EIF4ENIF1: variants seen among roughly 807,000 people sequenced by gnomAD.
The protein encoded by EIF4ENIF1 is eukaryotic translation initiation factor 4E transporter.
EIF4ENIF1 carries 23 observed loss-of-function variants against 110.5 expected under a neutral mutation model. The observed-to-expected ratio is 0.21, with a 90% CI of 0.15 to 0.29. The LOEUF (loss-of-function observed/expected upper bound fraction) is 0.29, where lower values mean the gene tolerates loss of function less well. Ranked by LOEUF, EIF4ENIF1 falls within the 10% of genes least tolerant of loss-of-function variation. EIF4ENIF1 has a pLI of 1.00. For synonymous variants in EIF4ENIF1, 440 were observed against 437.0 expected, an observed-to-expected ratio of 1.01 and a Z score of -0.09; for missense variants, 1,031 against 1,221.1, an observed-to-expected ratio of 0.84 and a Z score of 2.32.
intron 12 of EIF4ENIF1, among the ~76,000 whole-genome samples, 190 bp downstream of exon 12, chr22:31,449,158 G>A (rs550413630): frequency 6.6e-6 from 1 of 152,236 alleles, no homozygotes; most frequent in East Asian, 1.9e-4. Context: ...TTACAGGCAT[G>A]CACCACCACG....
chr22:31,467,502 T>G (rs979490911), intron 4 of EIF4ENIF1, among the ~76,000 whole-genome samples: 4 of 152,138 alleles, frequency 2.6e-5, no homozygotes, highest in Non-Finnish European at 4.4e-5. Context: ...AAGCCTTTAT[T>G]CCGATCACAG....
intron 6 of EIF4ENIF1, 103 bp from the exon 7 acceptor site, chr22:31,458,753 T>C: frequency 9.1e-7 from 1 of 1,095,106 alleles, no homozygotes; most frequent in Non-Finnish European, 1.2e-6. Flanking sequence ...CACACATGAC[T>C]TAAAAAGCAG....
At position 31,458,592 on chromosome 22, in the gene EIF4ENIF1, T is replaced by C; in HGVS notation, c.846A>G (p.Ala282=). The C allele has an allele frequency of 6.2e-7, 1 of 1,613,538 alleles. No individual in the cohort carries two copies. Among genetic ancestry groups the C allele is most frequent in the Non-Finnish European group, 8.5e-7 (1 of 1,179,678 alleles). The change falls in exon 7 of 19, where the codon GCA becomes GCG. Residue 282 remains alanine (A), a synonymous_variant. Transcript: ENST00000330125. ...AEEDEVEVIL[A]QEPAADQEVP... ...CTTCCTGATCAGCCGCAGGCTCCTG[T>C]GCAAGGATGACCTCCACTTCATCCT...
chr22:31,486,571 G>T (rs1445628821), intron 2 of EIF4ENIF1, among the ~76,000 whole-genome samples: 1 of 151,844 alleles, frequency 6.6e-6, no homozygotes, highest in East Asian at 2.0e-4. Context: ...TTGAGTTCAG[G>T]ATTTCAAGAC....
chr22:31,447,977 G>A (rs2050527556), intron 13 of EIF4ENIF1, among the ~76,000 whole-genome samples, 176 bp downstream of exon 13: 2 of 151,984 alleles, frequency 1.3e-5, no homozygotes, highest in Admixed American at 6.6e-5. Flanking sequence ...ATTTACTTTT[G>A]GGCTCAAGTG....
rs747722218 is a variant in EIF4ENIF1 at position 31,441,810 on chromosome 22, C to T, written c.2515G>A (p.Val839Ile). The change falls in exon 17 of 19, where the codon GTA (valine) becomes ATA (isoleucine). Residue 839 changes from valine (V) to isoleucine (I), a missense_variant. Coordinates refer to ENST00000330125, the MANE Select transcript of EIF4ENIF1 (RefSeq NM_019843.4). ...GLVQRMLAQGVHPQHLPSLLQ... is the reference protein window; with the variant it reads ...GLVQRMLAQGIHPQHLPSLLQ... ...AAACTTGGAAGATGCTGTGGATGTA[C>T]TCCCTGGGCCAGCATCCTCTGTACC... is the stretch of plus-strand genomic sequence containing the variant. 14 of 1,613,610 alleles carry T rather than the reference C, an allele frequency of 8.7e-6. No homozygotes were observed. In the South Asian group the frequency reaches 1.3e-4, roughly 15 times the overall value.
At chr22:31,489,640 G>A (rs1214080639) in intron 1 of EIF4ENIF1, 54 bp downstream of exon 1, 4 of 48,316 alleles carry the variant, frequency 8.3e-5, no homozygotes, top group Admixed American at 5.1e-4. Flanking sequence ...CTACACCCGG[G>A]AGCACCGGGC....
intron 2 of EIF4ENIF1, among the ~76,000 whole-genome samples, chr22:31,487,080 A>AG (rs1170623070): frequency 6.6e-6 from 1 of 152,158 alleles, no homozygotes; most frequent in East Asian, 1.9e-4. Flanking sequence ...CAAAAAAAAA[A>AG]AAGTACTGGA....
At position 31,440,709 on chromosome 22, in the gene EIF4ENIF1, C is replaced by T. The variant is rs755466322; in HGVS notation, c.2711G>A (p.Arg904His). 2.9e-5 allele frequency: 47 copies of T among 1,613,550 alleles called. No homozygotes were observed. The highest frequency in any genetic ancestry group is 9.9e-5 in the South Asian group (9 of 91,060). Residue 904 changes from arginine (R) to histidine (H), a missense_variant, in exon 18 of 19, where the codon CGC becomes CAC. This residue lies in a region of EIF4ENIF1 where 309 missense variants were observed against 299.1 expected (regional missense o/e 1.03). Transcript: ENST00000330125. ...TGTCACATTCCTGAACCTACCTGAG[C>T]GCTGTAGCTGCTGTTGCACCATTGC... ...HLAMVQQQLQ[R>H]SVLHPPGSGS...
At position 31,466,455 on chromosome 22, in the gene EIF4ENIF1, A is replaced by G. The variant is rs574185229; in HGVS notation, c.298+1720T>C. 6.7e-5 allele frequency among the ~76,000 whole-genome samples: 10 copies of G among 150,222 alleles called. No individual in the cohort carries two copies. The South Asian group carries it at 2.1e-3, about 32-fold the overall frequency. On this transcript the variant is annotated intron_variant, in intron 4 of 18. Coordinates refer to ENST00000330125, the MANE Select transcript of EIF4ENIF1 (RefSeq NM_019843.4). ...ATTAGCTGGGCACGGTGGAACGTGT[A>G]TGTGTAATCCCAGCTACTCAGGAAG...
chr22:31,449,765 C>G (rs956307102), intron 11 of EIF4ENIF1, among the ~76,000 whole-genome samples: 14 of 149,288 alleles, frequency 9.4e-5, no homozygotes, highest in Non-Finnish European at 2.1e-4. Flanking sequence ...GAGTCTCACT[C>G]TATCACCCAG....
intron 6 of EIF4ENIF1, among the ~76,000 whole-genome samples, chr22:31,460,734 C>T (rs917792807): frequency 1.3e-5 from 2 of 152,012 alleles, no homozygotes; most frequent in African/African-American, 4.8e-5. Flanking sequence ...ATCACGAGGT[C>T]AGGAGATCGA....
chr22:31,440,564 T>C (rs2050260103), intron 18 of EIF4ENIF1, 140 bp downstream of exon 18: 15 of 1,078,538 alleles, frequency 1.4e-5, no homozygotes, highest in South Asian at 8.4e-5. Context: ...CTTCATCTTA[T>C]TATCTGGTTA....
chr22:31,471,703 A>T, intron 3 of EIF4ENIF1, 141 bp downstream of exon 3: 2 of 742,962 alleles, frequency 2.7e-6, no homozygotes, highest in South Asian at 3.4e-5. Context: ...GTTGAAACCC[A>T]TCTTATTACC....
chr22:31,448,383 C>T (rs1453713253), intron 12 of EIF4ENIF1, 151 bp from the exon 13 acceptor site: 3 of 773,240 alleles, frequency 3.9e-6, no homozygotes, highest in Non-Finnish European at 6.6e-6. Flanking sequence ...CTCTGTGCCC[C>T]AACAGTGGGC....
chr22:31,463,417 G>A (rs1016428533), intron 5 of EIF4ENIF1, among the ~76,000 whole-genome samples: 1 of 152,020 alleles, frequency 6.6e-6, no homozygotes, highest in African/African-American at 2.4e-5. Flanking sequence ...GGTGGCTCAC[G>A]CCTGTAATCC....
upstream of EIF4ENIF1, among the ~76,000 whole-genome samples, chr22:31,490,942 C>G (rs546067155): frequency 6.4e-4 from 97 of 152,238 alleles, no homozygotes; most frequent in Non-Finnish European, 1.0e-3. Flanking sequence ...TGAGTGACCA[C>G]TAACTCAGCT....
At chr22:31,438,319 T>C (rs2050203020), downstream of EIF4ENIF1, among the ~76,000 whole-genome samples, 1 of 152,214 alleles carries the variant, frequency 6.6e-6, no homozygotes, top group Non-Finnish European at 1.5e-5. Context: ...GTAGAATCTT[T>C]ATCCGTAAGT....
intron 6 of EIF4ENIF1, among the ~76,000 whole-genome samples, chr22:31,459,329 G>C (rs986118976): frequency 8.6e-5 from 13 of 151,968 alleles, no homozygotes; most frequent in Non-Finnish European, 1.9e-4. Flanking sequence ...CTCTGCTTCT[G>C]CCCATGCACC....
Sources: allele counts gnomAD v4.1 joint callset (sites outside exome capture counted in the v4.1 genomes callset), GRCh38; gene constraint gnomAD v4.1.1; regional missense constraint gnomAD v4.1.1; transcripts MANE v1.5; gene names NCBI Gene and HGNC (gene_info 2026-07-23, HGNC 2026-07-21).